NIM1K: variants seen among roughly 807,000 people sequenced by gnomAD.
NIM1K encodes the protein NIM1 serine/threonine protein kinase, also known as serine/threonine-protein kinase NIM1.
In NIM1K, 35 loss-of-function variants were observed where a neutral mutation model predicts 37.1. That is an observed-to-expected ratio of 0.94 (90% CI 0.72 to 1.25). The LOEUF (loss-of-function observed/expected upper bound fraction) is 1.25, where lower values mean the gene tolerates loss of function less well. NIM1K is among the 50% of genes most tolerant of loss of function. The probability of loss-of-function intolerance (pLI) is 0.00; values close to 1 mark genes in which losing one functional copy is unlikely to be tolerated. For synonymous variants in NIM1K, 234 were observed against 206.6 expected, an observed-to-expected ratio of 1.13 and a Z score of -1.14; for missense variants, 564 against 548.0, an observed-to-expected ratio of 1.03 and a Z score of -0.29.
At chr5:43,232,333 C>G (rs1579969624) in intron 1 of NIM1K, 1 of 1,299,974 alleles carries the variant, frequency 7.7e-7, no homozygotes, top group Non-Finnish European at 1.1e-6. Context: ...TCATGGTAGG[C>G]TTTCTCAGCA....
chr5:43,278,837 G>T (rs1256237194), intron 3 of NIM1K, among the ~76,000 whole-genome samples: 1 of 152,210 alleles, frequency 6.6e-6, no homozygotes, highest in Non-Finnish European at 1.5e-5. Context: ...AAGTGAGCCA[G>T]GGAGAAGAGC....
chr5:43,261,363 G>T (rs1753027640), intron 2 of NIM1K, among the ~76,000 whole-genome samples: 1 of 152,208 alleles, frequency 6.6e-6, no homozygotes, highest in Non-Finnish European at 1.5e-5. Context: ...GGCCAGTGAT[G>T]ATGAGCATTT....
chr5:43,201,932 C>T (rs1198743458), intron 1 of NIM1K, among the ~76,000 whole-genome samples: 2 of 149,856 alleles, frequency 1.3e-5, no homozygotes, highest in East Asian at 3.9e-4. Context: ...GCACTCCAGC[C>T]TGGTGACAGA....
intron 1 of NIM1K, among the ~76,000 whole-genome samples, chr5:43,211,279 C>G (rs1161399813): frequency 1.3e-5 from 2 of 152,058 alleles, no homozygotes; most frequent in African/African-American, 4.8e-5. Context: ...GGCAATGAAC[C>G]AATAGGGAAC....
rs539245357 is a variant in NIM1K, at chr5:43,245,520, C to A, written c.-256C>A. ...TGCCTAATTGTACAGCTAGAGCCTG[C>A]AAGTTCAACGTGAGGGAAGGTGGGA... On this transcript the variant is annotated 5_prime_UTR_variant, in exon 2 of 4. Coordinates refer to ENST00000326035, the MANE Select transcript of NIM1K (RefSeq NM_153361.4). 2.5e-6 allele frequency: 1 copy of A among 402,876 alleles called. No homozygotes were observed. Among genetic ancestry groups the A allele is most frequent in the Non-Finnish European group, 4.4e-6 (1 of 225,906 alleles). 25.0% of individuals were successfully genotyped at this position (402,876 alleles called of 1,614,324 possible).
At chr5:43,233,072 G>C (rs1752565503) in intron 1 of NIM1K, 2 of 1,331,692 alleles carry the variant, frequency 1.5e-6, no homozygotes, top group African/African-American at 2.9e-5. Flanking sequence ...CTTGGCATCT[G>C]GCCATTGGGC....
chr5:43,235,845 C>CT (rs77554972), intron 1 of NIM1K, among the ~76,000 whole-genome samples: 4,937 of 142,554 alleles, frequency 0.035, 188 homozygotes, highest in East Asian at 0.18. Flanking sequence ...CCCTCCCCAT[C>CT]TTTTTTTTTT....
At chr5:43,195,353 G>A (rs1751896245) in intron 1 of NIM1K, among the ~76,000 whole-genome samples, 1 of 152,168 alleles carries the variant, frequency 6.6e-6, no homozygotes, top group Admixed American at 6.6e-5. Flanking sequence ...AGATGGACAA[G>A]TTGTGTTCAA....
intron 2 of NIM1K, among the ~76,000 whole-genome samples, chr5:43,272,915 C>T (rs1272149090): frequency 2.0e-5 from 3 of 152,162 alleles, no homozygotes; most frequent in Admixed American, 1.3e-4. Context: ...TCACCATCCC[C>T]ACTAACTCCC....
intron 1 of NIM1K, among the ~76,000 whole-genome samples, chr5:43,210,693 A>T (rs1022034261): frequency 1.3e-5 from 2 of 152,186 alleles, no homozygotes; most frequent in African/African-American, 4.8e-5. Flanking sequence ...TAGGCGAGCC[A>T]AGGGGAAATT....
At position 43,218,601 on chromosome 5, in the gene NIM1K, G is replaced by T. The variant is rs373525602; in HGVS notation, c.-695+26190G>T. Among the ~76,000 whole-genome samples the T allele has an allele frequency of 1.9e-3, 294 of 152,190 alleles. 2 individuals carry two copies. Among genetic ancestry groups the T allele is most frequent in the African/African-American group, 6.7e-3 (279 of 41,530 alleles). On this transcript the variant is annotated intron_variant, in intron 1 of 3. Coordinates refer to ENST00000326035, the MANE Select transcript of NIM1K (RefSeq NM_153361.4). ...CCAGCAATCCGTGAACTAACAGAGA[G>T]AACTCACTCACTAACACAGGGGACA...
intron 1 of NIM1K, chr5:43,232,803 A>G: frequency 9.4e-7 from 1 of 1,068,142 alleles, no homozygotes; most frequent in South Asian, 1.3e-5. Context: ...CAGCCAGTTT[A>G]CAAATTTGGT....
chr5:43,238,213 T>C (rs1186872029), intron 1 of NIM1K, among the ~76,000 whole-genome samples: 2 of 151,896 alleles, frequency 1.3e-5, no homozygotes, highest in African/African-American at 4.8e-5. Flanking sequence ...CGGCTAATTT[T>C]TTGTATTTTT....
At chr5:43,239,341 G>A (rs1052352983) in intron 1 of NIM1K, among the ~76,000 whole-genome samples, 8 of 151,734 alleles carry the variant, frequency 5.3e-5, no homozygotes, top group African/African-American at 1.7e-4. Flanking sequence ...GGGTTCAAGC[G>A]ATTCTCCTGC....
chr5:43,210,802 C>A (rs1752192481), intron 1 of NIM1K, among the ~76,000 whole-genome samples: 1 of 152,144 alleles, frequency 6.6e-6, no homozygotes, highest in African/African-American at 2.4e-5. Context: ...TGCACGGAGG[C>A]TTCAGAATTA....
At chr5:43,246,966 C>A (rs1752787066) in intron 2 of NIM1K, among the ~76,000 whole-genome samples, 1 of 152,100 alleles carries the variant, frequency 6.6e-6, no homozygotes, top group Non-Finnish European at 1.5e-5. Flanking sequence ...CCCTAGAGTC[C>A]CTGATTGACA....
chr5:43,202,847 G>GT (rs1752051260), intron 1 of NIM1K, among the ~76,000 whole-genome samples: 2 of 152,160 alleles, frequency 1.3e-5, no homozygotes, highest in African/African-American at 4.8e-5. Flanking sequence ...ACAATGTTCA[G>GT]TGACCTCACA....
At chr5:43,266,753 C>G (rs1425599087) in intron 2 of NIM1K, among the ~76,000 whole-genome samples, 1 of 152,172 alleles carries the variant, frequency 6.6e-6, no homozygotes, top group African/African-American at 2.4e-5. Context: ...TTGAACCTCC[C>G]CCCTGACTTG....
intron 2 of NIM1K, among the ~76,000 whole-genome samples, chr5:43,253,459 A>C (rs376023893): frequency 5.9e-5 from 9 of 152,038 alleles, no homozygotes; most frequent in South Asian, 2.1e-4. Context: ...AGAGAACTCC[A>C]GAAAGAGAGA....
Sources: allele counts gnomAD v4.1 joint callset (sites outside exome capture counted in the v4.1 genomes callset), GRCh38; gene constraint gnomAD v4.1.1; transcripts MANE v1.5; gene names NCBI Gene and HGNC (gene_info 2026-07-23, HGNC 2026-07-21).